Variants in OTOP3 observed in about 807,000 individuals in gnomAD.
OTOP3 encodes proton channel OTOP3.
A neutral mutation model predicts 50.8 loss-of-function variants in OTOP3; 41 were observed. That is an observed-to-expected ratio of 0.81 (90% CI 0.63 to 1.05). The LOEUF is 1.05. Among genes scored for constraint, OTOP3 ranks in the 50% least tolerant of loss-of-function variants. The pLI, the probability that OTOP3 is intolerant of heterozygous loss-of-function variation, is 0.00. For missense variants in OTOP3, 788 were observed against 760.8 expected, an observed-to-expected ratio of 1.04 and a Z score of -0.42; for synonymous variants, 320 against 324.4, an observed-to-expected ratio of 0.99 and a Z score of 0.14.
chr17:74,942,874 G>A (rs1343999204), intron 3 of OTOP3, among the ~76,000 whole-genome samples: 1 of 152,084 alleles, frequency 6.6e-6, no homozygotes, highest in East Asian at 1.9e-4. Context: ...GAACCCGAAA[G>A]GCAGATCTTG....
intron 6 of OTOP3, among the ~76,000 whole-genome samples, chr17:74,948,832 G>C (rs1315500603): frequency 6.6e-6 from 1 of 152,092 alleles, no homozygotes. Context: ...AGTGAGACCT[G>C]TCTCAAAAAA....
chr17:74,941,499 C>T lies in OTOP3; in HGVS notation c.126C>T (p.Ala42=), dbSNP rs769020917. The T allele has an allele frequency of 6.2e-7, 1 of 1,613,130 alleles. No homozygotes were observed. Among genetic ancestry groups the T allele is most frequent in the South Asian group, 1.1e-5 (1 of 91,002 alleles). Residue 42 remains alanine (A), a synonymous_variant, in exon 2 of 7, where the codon GCC becomes GCT. Transcript: ENST00000328801. ...TGGGGGCCGAGGAGAGAGCGGCCGCCACCCGGCCCCGGCAGAAGTCCTGGC... is the reference window on the plus strand; with the variant it reads ...TGGGGGCCGAGGAGAGAGCGGCCGCTACCCGGCCCCGGCAGAAGTCCTGGC... ...VDVGAEERAA[A]TRPRQKSWLV... is the part of the protein sequence containing the mutation.
chr17:74,943,491 C>T, intron 4 of OTOP3, 115 bp from the exon 5 acceptor site: 1 of 1,330,874 alleles, frequency 7.5e-7, no homozygotes, highest in East Asian at 2.3e-5. Flanking sequence ...GCCAGTGTGA[C>T]ACTAGGGAGT....
At chr17:74,942,152 T>C (rs1373789254) in intron 3 of OTOP3, 115 bp downstream of exon 3, 1 of 1,324,508 alleles carries the variant, frequency 7.5e-7, no homozygotes, top group Non-Finnish European at 1.0e-6. Flanking sequence ...ATACCTAATG[T>C]CCCAGGGTCT....
chr17:74,947,848 A>T (rs2039244619), intron 6 of OTOP3, among the ~76,000 whole-genome samples: 1 of 152,244 alleles, frequency 6.6e-6, no homozygotes, highest in Non-Finnish European at 1.5e-5. Flanking sequence ...AGTCCCAGGT[A>T]CACCTTTCCA....
chr17:74,946,979 A>C lies in OTOP3; in HGVS notation c.1070A>C (p.Tyr357Ser). Reference sequence around the variant, plus strand: ...ATTGCTTGCCAGTACTTCACCCTCTACTATGCCTTCTATGTGGCTGTGCTG... The same window carrying C: ...ATTGCTTGCCAGTACTTCACCCTCTCCTATGCCTTCTATGTGGCTGTGCTG... Reference protein sequence around the residue: ...PAIACQYFTLYYAFYVAVLPT... With the variant: ...PAIACQYFTLSYAFYVAVLPT... The change falls in exon 6 of 7, where the codon TAC becomes TCC. Residue 357 changes from tyrosine (Y) to serine (S), a missense_variant. Tyr to Ser is a moderately radical substitution (Grantham distance 144). Coordinates refer to ENST00000328801, the MANE Select transcript of OTOP3 (RefSeq NM_001272005.2). 6.2e-7 allele frequency: 1 copy of C among 1,613,626 alleles called. No individual in the cohort carries two copies. Among genetic ancestry groups the C allele is most frequent in the Non-Finnish European group, 8.5e-7 (1 of 1,180,016 alleles).
Position 74,942,078 on chromosome 17 carries a change from C to T in OTOP3, c.573+41C>T, listed in dbSNP as rs769035810. Reference sequence around the variant, plus strand: ...CGTCCCCACATCACCGAGGACATACCCTATCTACCCATGCCATGCACACAC... The same window carrying T: ...CGTCCCCACATCACCGAGGACATACTCTATCTACCCATGCCATGCACACAC... On this transcript the variant is annotated intron_variant, in intron 3 of 6. Transcript: ENST00000328801. 29 of 1,564,804 alleles carry T rather than the reference C, an allele frequency of 1.9e-5. No homozygotes were observed. The South Asian group carries it at 2.7e-4, about 15-fold the overall frequency.
chr17:74,946,708 G>T lies in OTOP3; in HGVS notation c.799G>T (p.Ala267Ser). 6.2e-7 allele frequency: 1 copy of T among 1,612,978 alleles called. No homozygotes were observed. The highest frequency in any genetic ancestry group is 8.5e-7 in the Non-Finnish European group (1 of 1,179,862). The change falls in exon 6 of 7, where the codon GCT becomes TCT. Residue 267 changes from alanine (A) to serine (S), a missense_variant. Physicochemically the swap from Ala to Ser is moderately conservative, Grantham distance 99. Transcript: ENST00000328801. The part of the protein sequence containing the change: ...CLCLNATACE[A>S]FRRGFLMLYP... ...GTGCCTCAATGCCACCGCGTGTGAA[G>T]CTTTCCGGAGAGGCTTCCTGATGCT...
Position 74,943,631 on chromosome 17 carries a change from A to C in OTOP3, c.658A>C (p.Thr220Pro). The change falls in exon 5 of 7, where the codon ACA becomes CCA. Residue 220 changes from threonine to proline, a missense_variant. Physicochemically the swap from Thr to Pro is conservative, Grantham distance 38. Transcript: ENST00000328801. ...GTGTGGCCTGATGCTGACCCTGGCC[A>C]CAAACCTGCTGCTGTGGGTTCTGGC... ...TRCGLMLTLA[T>P]NLLLWVLAVT... 1 of 1,613,880 alleles carries C rather than the reference A, an allele frequency of 6.2e-7. No individual in the cohort carries two copies. Among genetic ancestry groups the C allele is most frequent in the Non-Finnish European group, 8.5e-7 (1 of 1,179,992 alleles).
chr17:74,942,364 C>T (rs2039186411), intron 3 of OTOP3, among the ~76,000 whole-genome samples: 1 of 152,244 alleles, frequency 6.6e-6, no homozygotes, highest in African/African-American at 2.4e-5. Context: ...GGCGCAGTGG[C>T]TCACGCCTGT....
intron 1 of OTOP3, among the ~76,000 whole-genome samples, chr17:74,938,478 T>C (rs2031762054): frequency 6.6e-6 from 1 of 152,014 alleles, no homozygotes; most frequent in African/African-American, 2.4e-5. Context: ...AAGGACAAGC[T>C]AGAGTTACCC....
chr17:74,943,384 T>G (rs376913240), intron 4 of OTOP3, 40 bp downstream of exon 4: 14 of 1,596,532 alleles, frequency 8.8e-6, no homozygotes, highest in Non-Finnish European at 1.2e-5. Context: ...GGCCTCTCTG[T>G]CCTCCCCACC....
At chr17:74,949,044 A>T (rs1598609728) in intron 6 of OTOP3, among the ~76,000 whole-genome samples, 1 of 152,236 alleles carries the variant, frequency 6.6e-6, no homozygotes, top group Middle Eastern at 3.4e-3. Context: ...ATGGCTGGGG[A>T]TAGCTAAGGC....
intron 1 of OTOP3, among the ~76,000 whole-genome samples, chr17:74,938,218 G>C (rs1048381715): frequency 6.6e-6 from 1 of 152,166 alleles, no homozygotes; most frequent in African/African-American, 2.4e-5. Flanking sequence ...AGCAGGTGGA[G>C]AATGGGAGAA....
chr17:74,940,543 G>A lies in OTOP3; in HGVS notation c.20-850G>A, dbSNP rs115844593. Among the ~76,000 whole-genome samples, 1,365 of 152,220 alleles carry A rather than the reference G, an allele frequency of 9.0e-3. 19 individuals are homozygous for A. Among genetic ancestry groups the A allele is most frequent in the African/African-American group, 0.031 (1,287 of 41,508 alleles). Reference sequence around the variant, plus strand: ...ATAGCAGGAGGTAAGTGATGGGGAGGGAGCATGACAGCCTGAGCTCTGCCT... The same window carrying A: ...ATAGCAGGAGGTAAGTGATGGGGAGAGAGCATGACAGCCTGAGCTCTGCCT... On this transcript the variant is annotated intron_variant, in intron 1 of 6. Transcript: ENST00000328801.
chr17:74,943,034 A>T (rs1189241192), intron 3 of OTOP3, among the ~76,000 whole-genome samples: 4 of 152,138 alleles, frequency 2.6e-5, no homozygotes, highest in Non-Finnish European at 4.4e-5. Flanking sequence ...CCGCAGTCTT[A>T]TTTCCCCCAA....
At chr17:74,942,186 C>A in intron 3 of OTOP3, 149 bp downstream of exon 3, 2 of 956,414 alleles carry the variant, frequency 2.1e-6, no homozygotes, top group Non-Finnish European at 3.0e-6. Flanking sequence ...ACACCCCTCA[C>A]ACAAGTGTCC....
In OTOP3 at chr17:74,946,936, G is replaced by A. The variant is rs770068423; in HGVS notation, c.1027G>A (p.Glu343Lys). 14 of 1,612,714 alleles carry A rather than the reference G, an allele frequency of 8.7e-6. No homozygotes were observed. The highest frequency in any genetic ancestry group is 2.2e-5 in the South Asian group (2 of 91,090). ...GTGCGTCTTTGTGCTCTTCCAAATC[G>A]AGGCCAGTGGCCCTGCCATTGCTTG... is the stretch of plus-strand genomic sequence containing the variant. ...GVCVFVLFQI[E>K]ASGPAIACQY... is the part of the protein sequence containing the mutation. Residue 343 changes from glutamate to lysine, a missense_variant, in exon 6 of 7, where the codon GAG becomes AAG. Transcript: ENST00000328801.
chr17:74,936,130 G>T (rs1191326552), intron 1 of OTOP3, among the ~76,000 whole-genome samples, 190 bp downstream of exon 1: 1 of 152,198 alleles, frequency 6.6e-6, no homozygotes, highest in Non-Finnish European at 1.5e-5. Context: ...CGCAACCCGC[G>T]CTCCGCGCCC....
Sources: allele counts gnomAD v4.1 joint callset (sites outside exome capture counted in the v4.1 genomes callset), GRCh38; gene constraint gnomAD v4.1.1; transcripts MANE v1.5; gene names NCBI Gene and HGNC (gene_info 2026-07-23, HGNC 2026-07-21).